The following TRHDE variants were observed in gnomAD, a reference collection of about 807,000 sequenced individuals.
TRHDE encodes thyrotropin-releasing hormone-degrading ectoenzyme.
TRHDE carries 72 observed loss-of-function variants against 125.7 expected under a neutral mutation model. That is an observed-to-expected ratio of 0.57 (90% CI 0.47 to 0.70). The LOEUF (loss-of-function observed/expected upper bound fraction) is 0.70, where lower values mean the gene tolerates loss of function less well. Ranked by LOEUF, TRHDE falls within the 30% of genes least tolerant of loss-of-function variation. The probability of loss-of-function intolerance (pLI) is 0.00; values close to 1 mark genes in which losing one functional copy is unlikely to be tolerated. For synonymous variants in TRHDE, 509 were observed against 509.1 expected, an observed-to-expected ratio of 1.00 and a Z score of 0.00; for missense variants, 1,110 against 1,327.1, an observed-to-expected ratio of 0.84 and a Z score of 2.54.
At chr12:72,129,339 GT>G (rs1179282367) in intron 2 of TRHDE, among the ~76,000 whole-genome samples, 1 of 152,188 alleles carries the variant, frequency 6.6e-6, no homozygotes, top group Non-Finnish European at 1.5e-5. Context: ...AATATTGGAA[GT>G]GGTAAAATGG....
At chr12:72,403,673 G>A (rs1043731396) in intron 3 of TRHDE, among the ~76,000 whole-genome samples, 2 of 152,184 alleles carry the variant, frequency 1.3e-5, no homozygotes, top group Non-Finnish European at 2.9e-5. Flanking sequence ...AGATGCTGGA[G>A]TAGAATAAGC....
At position 72,542,318 on chromosome 12, in the gene TRHDE, A is replaced by G; in HGVS notation, c.1750A>G (p.Asn584Asp). The stretch of plus-strand genomic sequence containing the variant: ...TGCTGCTTTAATAAGAATGCTGGCT[A>G]ATTTTATGGGCCATTCAGTTTTCCA... ...KGAALIRMLA[N>D]FMGHSVFQRG... The change falls in exon 7 of 19, where the codon AAT (asparagine) becomes GAT (aspartate). Residue 584 changes from asparagine (N) to aspartate (D), a missense_variant. Physicochemically the swap from Asn to Asp is conservative, Grantham distance 23. Transcript: ENST00000261180. 1 of 1,604,712 alleles carries G rather than the reference A, an allele frequency of 6.2e-7. No homozygotes were observed. The highest frequency in any genetic ancestry group is 8.5e-7 in the Non-Finnish European group (1 of 1,174,166).
chr12:72,632,640 T>A, intron 15 of TRHDE, among the ~76,000 whole-genome samples: 1 of 151,564 alleles, frequency 6.6e-6, no homozygotes, highest in Admixed American at 6.6e-5. Context: ...CTTTTAGGTA[T>A]AATTGGTGCT....
chr12:72,106,888 A>G, intron 2 of TRHDE, among the ~76,000 whole-genome samples: 1 of 152,128 alleles, frequency 6.6e-6, no homozygotes, highest in South Asian at 2.1e-4. Context: ...ATACTTTCTG[A>G]TCTGTGATCT....
intron 12 of TRHDE, among the ~76,000 whole-genome samples, chr12:72,599,317 C>A (rs1182533911): frequency 6.6e-6 from 1 of 152,062 alleles, no homozygotes; most frequent in Non-Finnish European, 1.5e-5. Flanking sequence ...TCCACAAGGA[C>A]CAAACTAATT....
chr12:72,507,656 G>A (rs1878407820), intron 6 of TRHDE, among the ~76,000 whole-genome samples: 1 of 152,188 alleles, frequency 6.6e-6, no homozygotes, highest in South Asian at 2.1e-4. Context: ...TTCATAGCCT[G>A]GCCATGTGAT....
chr12:72,275,621 C>T (rs1879458630), intron 1 of TRHDE, among the ~76,000 whole-genome samples: 1 of 152,128 alleles, frequency 6.6e-6, no homozygotes, highest in Non-Finnish European at 1.5e-5. Flanking sequence ...CATCTTGCTG[C>T]AGTGAAATAA....
chr12:72,172,085 A>C (rs1433407778), intron 2 of TRHDE, among the ~76,000 whole-genome samples: 1 of 152,178 alleles, frequency 6.6e-6, no homozygotes. Flanking sequence ...CTACCACTGG[A>C]CAGGGTAAGG....
chr12:72,607,504 G>A (rs1872494759), intron 12 of TRHDE, among the ~76,000 whole-genome samples: 1 of 130,838 alleles, frequency 7.6e-6, no homozygotes. Flanking sequence ...TTGGCAACCA[G>A]TGATACAGTT....
At chr12:72,452,110 C>T (rs1009352017) in intron 3 of TRHDE, among the ~76,000 whole-genome samples, 5 of 151,868 alleles carry the variant, frequency 3.3e-5, no homozygotes, top group African/African-American at 1.2e-4. Context: ...ATTACAGGCG[C>T]GATTTCTGTT....
chr12:72,296,518 A>C (rs184067863), intron 2 of TRHDE, among the ~76,000 whole-genome samples: 128 of 151,986 alleles, frequency 8.4e-4, no homozygotes, highest in Admixed American at 6.4e-3. Flanking sequence ...AGTATTGTTG[A>C]TTTGTTAGTA....
At chr12:72,424,499 C>T (rs895976186) in intron 3 of TRHDE, among the ~76,000 whole-genome samples, 2 of 152,062 alleles carry the variant, frequency 1.3e-5, no homozygotes, top group African/African-American at 2.4e-5. Context: ...CCAGTGAGAC[C>T]TGTGTTGGAC....
intron 2 of TRHDE, chr12:72,262,712 C>T: frequency 6.6e-6 from 1 of 152,074 alleles, no homozygotes; most frequent in East Asian, 1.9e-4. Context: ...AATTTGTGGA[C>T]ATACATTGAT....
chr12:72,121,884 C>G (rs1326282862), intron 2 of TRHDE, among the ~76,000 whole-genome samples: 2 of 151,912 alleles, frequency 1.3e-5, no homozygotes, highest in Admixed American at 6.6e-5. Context: ...AGCCAGATGC[C>G]TGTATAGGAC....
chr12:72,102,460 A>G (rs1299288844), intron 1 of TRHDE, among the ~76,000 whole-genome samples: 1 of 152,198 alleles, frequency 6.6e-6, no homozygotes, highest in East Asian at 1.9e-4. Context: ...ACCTAAACCC[A>G]TAGGCCTGAG....
At chr12:72,142,170 A>C (rs978538774) in intron 2 of TRHDE, among the ~76,000 whole-genome samples, 1 of 152,124 alleles carries the variant, frequency 6.6e-6, no homozygotes, top group Admixed American at 6.5e-5. Context: ...GACACTGCAT[A>C]TGTGGGAAGC....
chr12:72,643,686 A>G (rs975120734), intron 15 of TRHDE, among the ~76,000 whole-genome samples: 4 of 152,124 alleles, frequency 2.6e-5, no homozygotes, highest in Non-Finnish European at 5.9e-5. Context: ...GCATATGACC[A>G]GCTTGCCATA....
chr12:72,643,433 AC>A (rs1874150892), intron 15 of TRHDE, among the ~76,000 whole-genome samples: 2 of 152,198 alleles, frequency 1.3e-5, no homozygotes, highest in African/African-American at 4.8e-5. Flanking sequence ...TTTGTAAAGC[AC>A]ATTCAAAGTA....
chr12:72,342,993 A>T (rs1870152269), intron 2 of TRHDE, among the ~76,000 whole-genome samples: 1 of 152,166 alleles, frequency 6.6e-6, no homozygotes. Context: ...TACTACCTCC[A>T]TCGTGTAACT....
Sources: allele counts gnomAD v4.1 joint callset (sites outside exome capture counted in the v4.1 genomes callset), GRCh38; gene constraint gnomAD v4.1.1; transcripts MANE v1.5; gene names NCBI Gene and HGNC (gene_info 2026-07-23, HGNC 2026-07-21).